DNAH17: variants seen among roughly 807,000 people sequenced by gnomAD.
DNAH17 encodes axonemal beta dynein heavy chain 17.
DNAH17 carries 376 observed loss-of-function variants against 485.6 expected under a neutral mutation model. That is an observed-to-expected ratio of 0.77 (90% CI 0.71 to 0.84). The LOEUF (loss-of-function observed/expected upper bound fraction) is 0.84, where lower values mean the gene tolerates loss of function less well. DNAH17 is among the 40% of genes least tolerant of loss of function. The pLI is 0.00. For synonymous variants in DNAH17, 3,031 were observed against 2,405.9 expected (o/e 1.26, Z -7.60); for missense variants, 6,370 against 5,839.3 (o/e 1.09, Z -2.96).
Position 78,459,852 on chromosome 17 carries a change from G to A in DNAH17, c.9585C>T (p.Asp3195=), listed in dbSNP as rs774853391. 8 of 1,613,958 alleles carry A rather than the reference G, an allele frequency of 5.0e-6. No homozygotes were observed. In the East Asian group the frequency reaches 8.9e-5, roughly 18 times the overall value. The stretch of plus-strand genomic sequence containing the variant: ...ACTTCTTCAGGGAGTCTAGGAAGGT[G>A]TCCACCTTGCCCATCATGATCTTGG... The part of the protein sequence containing the change: ...KAAKIMMGKV[D]TFLDSLKKFD... The change falls in exon 60 of 81, where the codon GAC becomes GAT. Residue 3195 remains aspartate, a synonymous_variant. Transcript: ENST00000389840.
rs770041344 is a variant in DNAH17 at position 78,502,967 on chromosome 17, G to A, written c.5001C>T (p.Thr1667=). 4.3e-6 allele frequency: 7 copies of A among 1,613,770 alleles called. No individual in the cohort carries two copies. In the African/African-American group the frequency reaches 5.3e-5, roughly 12 times the overall value. Residue 1667 remains threonine, a synonymous_variant, in exon 32 of 81, where the codon ACC becomes ACT. Coordinates refer to ENST00000389840, the MANE Select transcript of DNAH17 (RefSeq NM_173628.4). ...LNRVLDRMCS[T]LRHEIPEAVV... ...CGGCCTCTGGGATTTCGTGCCGGAG[G>A]GTAGAGCACATTCGGTCCAGCACTC...
At chr17:78,434,300 C>T in intron 74 of DNAH17, 80 bp from the exon 75 acceptor site, 1 of 1,377,988 alleles carries the variant, frequency 7.3e-7, no homozygotes, top group African/African-American at 1.4e-5. Flanking sequence ...GACCAGCGTC[C>T]AGCCCTTGCC....
At chr17:78,427,219 G>T in intron 77 of DNAH17, 111 bp from the exon 78 acceptor site, 1 of 1,134,494 alleles carries the variant, frequency 8.8e-7, no homozygotes, top group Admixed American at 2.1e-5. Context: ...TGGAGAGGAG[G>T]GAAGAGGCAA....
chr17:78,548,320 T>A (rs113196426), intron 16 of DNAH17, among the ~76,000 whole-genome samples: 21,935 of 147,164 alleles, frequency 0.15, 1,746 homozygotes, highest in East Asian at 0.31. Flanking sequence ...TTCTCCTGCC[T>A]CAGCCTCCCA....
At position 78,453,413 on chromosome 17, in the gene DNAH17, C is replaced by T. The variant is rs1384954626; in HGVS notation, c.10459G>A (p.Glu3487Lys). Residue 3487 changes from glutamate to lysine, a missense_variant, in exon 65 of 81, where the codon GAG becomes AAG. Physicochemically the swap from Glu to Lys is moderately conservative, Grantham distance 56 (BLOSUM62 1). Transcript: ENST00000389840. ...AISEGDTLLI[E>K]NIGETVDPVL... ...GGGTCCACGGTTTCGCCGATGTTCT[C>T]AATGAGCAAGGTGTCCCCTTCCGAG... 1 of 1,613,828 alleles carries T rather than the reference C, an allele frequency of 6.2e-7. No homozygotes were observed. The highest frequency in any genetic ancestry group is 8.5e-7 in the Non-Finnish European group (1 of 1,179,838).
At chr17:78,427,350 A>C (rs2086512577) in intron 77 of DNAH17, among the ~76,000 whole-genome samples, 1 of 152,228 alleles carries the variant, frequency 6.6e-6, no homozygotes, top group Admixed American at 6.5e-5. Flanking sequence ...CGCGGCCATG[A>C]GCGCATCAGG....
In DNAH17 at chr17:78,476,688, G is replaced by A. The variant is rs1003163858; in HGVS notation, c.8038C>T (p.Leu2680Phe). Reference protein sequence around the residue: ...TAEVLKTPLDLVRLWLHETER... With the variant: ...TAEVLKTPLDFVRLWLHETER... ...GTCTCATGTAGCCAAAGGCGGACGA[G>A]GTCCAGTGGGGTTTTCAGAACTTCT... Residue 2680 changes from leucine (L) to phenylalanine (F), a missense_variant, in exon 52 of 81, where the codon CTC becomes TTC. By Grantham distance (22) the Leu-to-Phe change is conservative. Transcript: ENST00000389840. The A allele has an allele frequency of 2.5e-6, 4 of 1,612,954 alleles. No homozygotes were observed. The highest frequency in any genetic ancestry group is 2.7e-5 in the African/African-American group (2 of 75,014).
At chr17:78,554,436 C>CAAAAAAAAAAAAAAAAAAAAAAAAA (rs55701739) in intron 14 of DNAH17, among the ~76,000 whole-genome samples, 1 of 32,266 alleles carries the variant, frequency 3.1e-5, no homozygotes, top group Non-Finnish European at 5.6e-5. Flanking sequence ...GACTCTGTCT[C>CAAAAAAAAAAAAAAAAAAAAAAAAA]AAAAAAAAAA....
chr17:78,537,211 G>A (rs1220603387), intron 19 of DNAH17, 88 bp downstream of exon 19: 14 of 1,354,898 alleles, frequency 1.0e-5, no homozygotes, highest in South Asian at 7.0e-5. Flanking sequence ...AAAGGTAAAC[G>A]GCGAAGCCTT....
chr17:78,545,072 G>A (rs962113381), intron 16 of DNAH17, among the ~76,000 whole-genome samples: 23 of 135,464 alleles, frequency 1.7e-4, no homozygotes, highest in East Asian at 4.3e-4. Context: ...TATCATTTAC[G>A]GACTCTACAT....
chr17:78,527,629 C>T (rs927575637), intron 22 of DNAH17, among the ~76,000 whole-genome samples: 5 of 152,140 alleles, frequency 3.3e-5, no homozygotes, highest in South Asian at 4.1e-4. Flanking sequence ...CTTTCTATCC[C>T]TCCACCACAA....
At chr17:78,560,614 A>T (rs978627312) in intron 13 of DNAH17, 126 bp downstream of exon 13, 19 of 1,044,364 alleles carry the variant, frequency 1.8e-5, no homozygotes, top group South Asian at 1.8e-4. Flanking sequence ...CACACTTAAG[A>T]AGTAAAGCTT....
chr17:78,560,200 A>C (rs1485146703), intron 13 of DNAH17, among the ~76,000 whole-genome samples: 4 of 152,192 alleles, frequency 2.6e-5, no homozygotes. Context: ...ACATACATGT[A>C]GTAGGTGCTC....
intron 14 of DNAH17, among the ~76,000 whole-genome samples, chr17:78,557,520 T>C (rs1268811182): frequency 6.6e-6 from 1 of 150,668 alleles, no homozygotes; most frequent in African/African-American, 2.4e-5. Flanking sequence ...ACGCCTGTAG[T>C]CCCAGCTACT....
chr17:78,457,373 CCAAAACAAAA>C (rs535659431), intron 62 of DNAH17, among the ~76,000 whole-genome samples: 3 of 151,678 alleles, frequency 2.0e-5, no homozygotes, highest in Non-Finnish European at 2.9e-5. Flanking sequence ...TCCCCTGTCT[CCAAAACAAAA>C]CAAAACAAAA....
chr17:78,424,285 C>CTG, intron 80 of DNAH17, 132 bp from the exon 81 acceptor site: 1 of 1,193,542 alleles, frequency 8.4e-7, no homozygotes, highest in Non-Finnish European at 1.1e-6. Flanking sequence ...TTCAGGCCAG[C>CTG]TGCCACGGCT....
In DNAH17 at chr17:78,424,157, C is replaced by A; in HGVS notation, c.13142-4G>T. 6.2e-7 allele frequency: 1 copy of A among 1,607,658 alleles called. No individual in the cohort carries two copies. On this transcript the variant is annotated splice_region_variant and splice_polypyrimidine_tract_variant and intron_variant, in intron 80 of 80. Coordinates refer to ENST00000389840, the MANE Select transcript of DNAH17 (RefSeq NM_173628.4). ...GTCTGGGTGTCCCAGCGAGCCCCTG[C>A]AGGGACAGTATGGCTGAGGGTCAGG...
chr17:78,554,184 T>C (rs946926067), intron 14 of DNAH17, among the ~76,000 whole-genome samples: 3 of 152,188 alleles, frequency 2.0e-5, no homozygotes, highest in African/African-American at 7.2e-5. Flanking sequence ...AACAATAGTA[T>C]AGTTTCTCAC....
chr17:78,488,864 G>A (rs536598916), intron 44 of DNAH17, among the ~76,000 whole-genome samples: 1 of 152,234 alleles, frequency 6.6e-6, no homozygotes, highest in South Asian at 2.1e-4. Context: ...GTGTCCATAA[G>A]CCAAGGGATG....
Sources: allele counts gnomAD v4.1 joint callset (sites outside exome capture counted in the v4.1 genomes callset), GRCh38; gene constraint gnomAD v4.1.1; transcripts MANE v1.5; gene names NCBI Gene and HGNC (gene_info 2026-07-23, HGNC 2026-07-21).